The following TADA2B variants were observed in gnomAD, a reference collection of about 807,000 sequenced individuals.
The protein encoded by TADA2B is transcriptional adapter 2-beta.
A neutral mutation model predicts 34.5 loss-of-function variants in TADA2B; 13 were observed. The observed-to-expected ratio is 0.38, with a 90% CI of 0.25 to 0.60. The LOEUF (loss-of-function observed/expected upper bound fraction) is 0.60. TADA2B is among the 20% of genes least tolerant of loss of function. TADA2B has a pLI of 0.65. For missense variants in TADA2B, 442 were observed against 575.0 expected, an observed-to-expected ratio of 0.77 and a Z score of 2.37; for synonymous variants, 240 against 243.4, an observed-to-expected ratio of 0.99 and a Z score of 0.13.
chr4:7,054,153 A>G lies in TADA2B; in HGVS notation c.362A>G (p.Lys121Arg). Residue 121 changes from lysine (K) to arginine (R), a missense_variant, in exon 2 of 2, where the codon AAG becomes AGG. Transcript: ENST00000310074. Reference sequence around the variant, plus strand: ...ATGTACATCCACGGGAACCTGGGGAAGGCCTGCATCCCCGACACCATCCCC... The same window carrying G: ...ATGTACATCCACGGGAACCTGGGGAGGGCCTGCATCCCCGACACCATCCCC... ...VSMYIHGNLG[K>R]ACIPDTIPNR... is the part of the protein sequence containing the mutation. The G allele has an allele frequency of 1.9e-6, 3 of 1,604,928 alleles. No homozygotes were observed. The highest frequency in any genetic ancestry group is 2.6e-6 in the Non-Finnish European group (3 of 1,175,778).
chr4:7,054,054 C>T lies in TADA2B; in HGVS notation c.271-8C>T. On this transcript the variant is annotated splice_region_variant and splice_polypyrimidine_tract_variant and intron_variant, in intron 1 of 1. Coordinates refer to ENST00000310074, the MANE Select transcript of TADA2B (RefSeq NM_152293.3). Reference sequence around the variant, plus strand: ...GGTGGAACTAACTTCTGCCCTTTGTCATCGTAGGAAGATATGGCTGCCCAC... The same window carrying T: ...GGTGGAACTAACTTCTGCCCTTTGTTATCGTAGGAAGATATGGCTGCCCAC... 6.4e-7 allele frequency: 1 copy of T among 1,558,068 alleles called. No homozygotes were observed. The highest frequency in any genetic ancestry group is 1.2e-5 in the South Asian group (1 of 82,712).
Position 7,055,047 on chromosome 4 carries a change from C to A in TADA2B, c.1256C>A (p.Ala419Glu). ...LTESGWISRD[A>E]S Reference sequence around the variant, plus strand: ...GAAAGCGGCTGGATCTCCAGGGACGCGTCTTGAAGCTGAGACGCTTTGAAA... The same window carrying A: ...GAAAGCGGCTGGATCTCCAGGGACGAGTCTTGAAGCTGAGACGCTTTGAAA... The change falls in exon 2 of 2, where the codon GCG becomes GAG. Residue 419 changes from alanine (A) to glutamate (E), a missense_variant. By Grantham distance (107) the Ala-to-Glu change is moderately radical. Around this residue, in one of 4 missense-constraint regions of TADA2B, gnomAD observed 114 missense variants for 144.7 expected, o/e 0.79. Transcript: ENST00000310074. The A allele has an allele frequency of 6.2e-7, 1 of 1,606,328 alleles. No homozygotes were observed. The highest frequency in any genetic ancestry group is 8.5e-7 in the Non-Finnish European group (1 of 1,177,054).
intron 1 of TADA2B, among the ~76,000 whole-genome samples, chr4:7,050,515 T>G (rs907524): frequency 0.92 from 140,060 of 152,304 alleles, 65,005 homozygotes; most frequent in East Asian, 1. Flanking sequence ...GCCCAGCTTG[T>G]GGCCGGGATG....
At chr4:7,044,099 T>A (rs1723556937) in intron 1 of TADA2B, among the ~76,000 whole-genome samples, 1 of 152,272 alleles carries the variant, frequency 6.6e-6, no homozygotes. Context: ...CGCTGGCTTC[T>A]GACAGCAGAG....
intron 1 of TADA2B, among the ~76,000 whole-genome samples, chr4:7,052,243 G>A (rs972617376): frequency 6.6e-6 from 1 of 152,276 alleles, no homozygotes; most frequent in Non-Finnish European, 1.5e-5. Flanking sequence ...CCGCCTGCGC[G>A]GTGGAAGCAC....
chr4:7,053,860 GTGT>G (rs983230139), intron 1 of TADA2B, 199 bp from the exon 2 acceptor site: 11 of 587,526 alleles, frequency 1.9e-5, no homozygotes, highest in Admixed American at 3.2e-5. Context: ...GAATCAGCAT[GTGT>G]TGTTGCTTCA....
chr4:7,049,572 C>T (rs1343355978), intron 1 of TADA2B, among the ~76,000 whole-genome samples: 1 of 152,216 alleles, frequency 6.6e-6, no homozygotes, highest in Non-Finnish European at 1.5e-5. Context: ...AGGCTGGGGG[C>T]AGTGGCCAGG....
At chr4:7,051,213 G>T (rs1261273828) in intron 1 of TADA2B, among the ~76,000 whole-genome samples, 1 of 152,240 alleles carries the variant, frequency 6.6e-6, no homozygotes, top group Non-Finnish European at 1.5e-5. Context: ...CGGCGACCTG[G>T]TCTTGGATAA....
intron 1 of TADA2B, among the ~76,000 whole-genome samples, 176 bp downstream of exon 1, chr4:7,044,025 G>A (rs1026652591): frequency 1.2e-4 from 18 of 152,264 alleles, no homozygotes; most frequent in Non-Finnish European, 7.3e-5. Flanking sequence ...CGGAACCTAT[G>A]CTCTGAGAGG....
intron 1 of TADA2B, chr4:7,053,006 C>T (rs1046004592): frequency 2.6e-5 from 4 of 152,300 alleles, no homozygotes; most frequent in South Asian, 2.1e-4. Flanking sequence ...CTCTCCCAGA[C>T]GCCAGCTCAT....
chr4:7,049,679 A>G (rs1015092530), intron 1 of TADA2B, among the ~76,000 whole-genome samples: 1 of 152,226 alleles, frequency 6.6e-6, no homozygotes, highest in Non-Finnish European at 1.5e-5. Context: ...TTGTGCTGAG[A>G]GTTGAGCTGT....
Position 7,054,306 on chromosome 4 carries a change from A to G in TADA2B, c.515A>G (p.Asp172Gly). 1 of 1,613,378 alleles carries G rather than the reference A, an allele frequency of 6.2e-7. No individual in the cohort carries two copies. The highest frequency in any genetic ancestry group is 8.5e-7 in the Non-Finnish European group (1 of 1,179,886). Residue 172 changes from aspartate to glycine, a missense_variant, in exon 2 of 2, where the codon GAT (aspartate) becomes GGT (glycine). Asp to Gly is a moderately conservative substitution (Grantham distance 94). Around this residue, in one of 4 missense-constraint regions of TADA2B, gnomAD observed 222 missense variants for 235.2 expected, o/e 0.94. Coordinates refer to ENST00000310074, the MANE Select transcript of TADA2B (RefSeq NM_152293.3). ...CTGGGCTACATGCCGCTGCGGGATG[A>G]TTACGAGATCGAGTATGACCAGGAT... ...QQLGYMPLRD[D>G]YEIEYDQDAE...
At chr4:7,046,270 C>T (rs1445908469) in intron 1 of TADA2B, 2 of 152,224 alleles carry the variant, frequency 1.3e-5, no homozygotes, top group East Asian at 3.8e-4. Flanking sequence ...TGAGGCTGTT[C>T]TGCAGCTCTG....
intron 1 of TADA2B, among the ~76,000 whole-genome samples, chr4:7,049,496 A>G (rs1413527525): frequency 6.6e-6 from 1 of 152,192 alleles, no homozygotes; most frequent in Non-Finnish European, 1.5e-5. Flanking sequence ...TGACAACTCT[A>G]AGTCACTGAG....
At position 7,057,247 on chromosome 4, in the gene TADA2B, C is replaced by G. The variant is rs1261261948; in HGVS notation, c.*2193C>G. 6.6e-6 allele frequency: 1 copy of G among 152,166 alleles called. No individual in the cohort carries two copies. The highest frequency in any genetic ancestry group is 2.4e-5 in the African/African-American group (1 of 41,426). The allele number at this position is 152,166 out of a possible 1,614,324, so 9.4% of individuals were successfully genotyped here. A position where few individuals can be genotyped will look rare whatever the true frequency, so the allele number is the denominator to read the frequency against. On this transcript the variant is annotated 3_prime_UTR_variant, in exon 2 of 2. Coordinates refer to ENST00000310074, the MANE Select transcript of TADA2B (RefSeq NM_152293.3). Reference sequence around the variant, plus strand: ...TGAAGCAGGTTTTTAGTATGTATATCTTTTTGATGGTATGAAGAATTTATT... The same window carrying G: ...TGAAGCAGGTTTTTAGTATGTATATGTTTTTGATGGTATGAAGAATTTATT...
intron 1 of TADA2B, among the ~76,000 whole-genome samples, chr4:7,050,875 C>T (rs979326981): frequency 7.2e-5 from 11 of 152,248 alleles, no homozygotes; most frequent in African/African-American, 2.2e-4. Flanking sequence ...TGGTGGGGGG[C>T]GCGTGGCGAC....
intron 1 of TADA2B, among the ~76,000 whole-genome samples, chr4:7,046,491 A>T (rs1723633793): frequency 6.6e-6 from 1 of 152,218 alleles, no homozygotes; most frequent in African/African-American, 2.4e-5. Context: ...CAGGGATTCC[A>T]TGGCATTCAT....
chr4:7,054,175 C>T lies in TADA2B; in HGVS notation c.384C>T (p.Ile128=). Residue 128 remains isoleucine, a synonymous_variant, in exon 2 of 2, where the codon ATC becomes ATT. Transcript: ENST00000310074. ...NLGKACIPDT[I]PNRVTDHTCP... is the part of the protein sequence containing the mutation. ...GGAAGGCCTGCATCCCCGACACCAT[C>T]CCCAACCGCGTGACAGACCACACCT... 1.2e-6 allele frequency: 2 copies of T among 1,605,934 alleles called. No homozygotes were observed. Among genetic ancestry groups the T allele is most frequent in the Non-Finnish European group, 1.7e-6 (2 of 1,176,382 alleles).
In TADA2B at chr4:7,055,951, A is replaced by C; in HGVS notation, c.*897A>C. The C allele has an allele frequency of 6.6e-6, 1 of 152,244 alleles. No homozygotes were observed. 9.4% of individuals were successfully genotyped at this position (152,244 alleles called of 1,614,324 possible). On this transcript the variant is annotated 3_prime_UTR_variant, in exon 2 of 2. Coordinates refer to ENST00000310074, the MANE Select transcript of TADA2B (RefSeq NM_152293.3). ...GAGTGCATTTCACTTGGAAGAACCC[A>C]TTGTACAAAGTTCAAGGCTAAGAGT...
Sources: allele counts gnomAD v4.1 joint callset (sites outside exome capture counted in the v4.1 genomes callset), GRCh38; gene constraint gnomAD v4.1.1; regional missense constraint gnomAD v4.1.1; transcripts MANE v1.5; gene names NCBI Gene and HGNC (gene_info 2026-07-23, HGNC 2026-07-21).